Variants in PNPT1 observed in about 807,000 individuals in gnomAD.
The protein encoded by PNPT1 is polyribonucleotide nucleotidyltransferase 1, mitochondrial.
PNPT1 carries 53 observed loss-of-function variants against 119.5 expected under a neutral mutation model. That is an observed-to-expected ratio of 0.44 (90% CI 0.36 to 0.56). The LOEUF (loss-of-function observed/expected upper bound fraction) is 0.56. PNPT1 is among the 20% of genes least tolerant of loss of function. PNPT1 has a pLI of 0.00. For synonymous variants in PNPT1, 357 were observed against 322.1 expected, an observed-to-expected ratio of 1.11 and a Z score of -1.16; for missense variants, 948 against 938.5, an observed-to-expected ratio of 1.01 and a Z score of -0.13.
At chr2:55,665,445 AAAG>A (rs1449505358) in intron 13 of PNPT1, among the ~76,000 whole-genome samples, 11 of 152,250 alleles carry the variant, frequency 7.2e-5, no homozygotes, top group African/African-American at 2.7e-4. Flanking sequence ...GGCAATAAAT[AAAG>A]AAGGAGACAT....
At chr2:55,649,627 A>G (rs1464428627) in intron 18 of PNPT1, among the ~76,000 whole-genome samples, 23 of 152,124 alleles carry the variant, frequency 1.5e-4, no homozygotes, top group Non-Finnish European at 1.5e-5. Context: ...TTCATCACTT[A>G]AGCTGGGAAA....
intron 13 of PNPT1, among the ~76,000 whole-genome samples, chr2:55,662,872 G>A (rs1021957924): frequency 6.9e-6 from 1 of 144,660 alleles, no homozygotes; most frequent in Non-Finnish European, 1.5e-5. Flanking sequence ...TGGATTAGCA[G>A]ACAAAAGATT....
At chr2:55,636,443 A>C in intron 27 of PNPT1, 51 bp from the exon 28 acceptor site, 1 of 1,560,806 alleles carries the variant, frequency 6.4e-7, no homozygotes, top group Non-Finnish European at 8.8e-7. Context: ...ATTGAGTGAC[A>C]TCTAAACTAA....
intron 13 of PNPT1, among the ~76,000 whole-genome samples, chr2:55,666,045 T>C (rs1696720557): frequency 6.6e-6 from 1 of 152,096 alleles, no homozygotes; most frequent in Non-Finnish European, 1.5e-5. Flanking sequence ...AATCACAATA[T>C]GCCATAAACT....
chr2:55,637,342 T>C (rs1008893391), intron 27 of PNPT1, among the ~76,000 whole-genome samples: 1 of 152,244 alleles, frequency 6.6e-6, no homozygotes, highest in African/African-American at 2.4e-5. Context: ...GTGACTACCA[T>C]TTTGGCCAAG....
At chr2:55,651,718 G>A (rs1219264377) in intron 18 of PNPT1, among the ~76,000 whole-genome samples, 3 of 145,096 alleles carry the variant, frequency 2.1e-5, no homozygotes, top group Non-Finnish European at 3.0e-5. Context: ...CTCCACTATT[G>A]TCCTGTGACC....
In PNPT1 at chr2:55,691,878, A is replaced by ATTTTTTTTT. The variant is rs1227966046; in HGVS notation, c.161+1776_161+1784dup. Among the ~76,000 whole-genome samples, 148 of 32,968 alleles carry ATTTTTTTTT rather than the reference A, an allele frequency of 4.5e-3. 4 individuals are homozygous for ATTTTTTTTT. The highest frequency in any genetic ancestry group is 7.1e-3 in the Non-Finnish European group (121 of 16,924). The allele number at this position is 32,968 out of a possible 152,430, so 21.6% of individuals were successfully genotyped here. A position where few individuals can be genotyped will look rare whatever the true frequency, so the allele number is the denominator to read the frequency against. ...TATATATATATATATATATATATAT[A>ATTTTTTTTT]TTTTTTTTTTTTTTTTTTTTTTTTG... On this transcript the variant is annotated intron_variant, in intron 1 of 27. Coordinates refer to ENST00000447944, the MANE Select transcript of PNPT1 (RefSeq NM_033109.5).
chr2:55,693,798 G>A lies in PNPT1; in HGVS notation c.26C>T (p.Ser9Leu), dbSNP rs542564002. Residue 9 changes from serine (S) to leucine (L), a missense_variant, in exon 1 of 28, where the codon TCG (serine) becomes TTG (leucine). Physicochemically the swap from Ser to Leu is moderately radical, Grantham distance 145. Transcript: ENST00000447944. MAACRYCCSCLRLRPLSDG... is the reference protein window; with the variant it reads MAACRYCCLCLRLRPLSDG... ...GCTCAGGGGCCGGAGCCGGAGGCAC[G>A]AGCAGCAGTACCTGCAGGCCGCCAT... The A allele has an allele frequency of 5.0e-6, 8 of 1,613,894 alleles. No individual in the cohort carries two copies. Among genetic ancestry groups the A allele is most frequent in the Middle Eastern group, 1.7e-4 (1 of 6,056 alleles).
chr2:55,655,077 T>C (rs753162541), intron 17 of PNPT1, 124 bp from the exon 18 acceptor site: 7 of 909,782 alleles, frequency 7.7e-6, no homozygotes, highest in Admixed American at 2.6e-5. Flanking sequence ...CTCTTCTTTT[T>C]AAAAGCAACT....
Position 55,672,952 on chromosome 2 carries a change from G to A in PNPT1, c.807C>T (p.Thr269=). The A allele has an allele frequency of 1.2e-6, 2 of 1,613,300 alleles. No individual in the cohort carries two copies. The highest frequency in any genetic ancestry group is 1.7e-6 in the Non-Finnish European group (2 of 1,179,728). The change falls in exon 9 of 28, where the codon ACC becomes ACT. Residue 269 remains threonine, a synonymous_variant. Coordinates refer to ENST00000447944, the MANE Select transcript of PNPT1 (RefSeq NM_033109.5). ...IQQLVKETGV[T]KRTPQKLFTP... is the part of the protein sequence containing the mutation. ...TAAATAACTTCTGAGGTGTCCTCTT[G>A]GTAACACCAGTTTCTTTTACCAACT...
chr2:55,652,633 GTATGAATGGTGCACCTATT>G (rs1463123634), intron 18 of PNPT1, among the ~76,000 whole-genome samples: 17 of 152,082 alleles, frequency 1.1e-4, no homozygotes, highest in Admixed American at 1.1e-3. Flanking sequence ...CCCTTAACCA[GTATGAATGGTGCACCTATT>G]ATTTAGTCTA....
Position 55,636,070 on chromosome 2 carries a change from C to G in PNPT1, c.*167G>C. On this transcript the variant is annotated 3_prime_UTR_variant, in exon 28 of 28. Transcript: ENST00000447944. Reference sequence around the variant, plus strand: ...AATACAATTAAACAAATATGGGTTACTCGAATTAAAAAAATGGCACATGTA... The same window carrying G: ...AATACAATTAAACAAATATGGGTTAGTCGAATTAAAAAAATGGCACATGTA... 2.6e-6 allele frequency: 1 copy of G among 391,750 alleles called. No homozygotes were observed. Among genetic ancestry groups the G allele is most frequent in the Non-Finnish European group, 4.4e-6 (1 of 229,576 alleles). 24.3% of individuals were successfully genotyped at this position (391,750 alleles called of 1,614,324 possible).
chr2:55,660,241 A>G, intron 14 of PNPT1, 48 bp from the exon 15 acceptor site: 2 of 1,511,200 alleles, frequency 1.3e-6, no homozygotes, highest in Admixed American at 4.2e-5. Context: ...GAAAAAACAT[A>G]TTTATTTCAA....
At chr2:55,678,714 C>T (rs984220272) in intron 8 of PNPT1, among the ~76,000 whole-genome samples, 1 of 152,148 alleles carries the variant, frequency 6.6e-6, no homozygotes, top group African/African-American at 2.4e-5. Context: ...CTCTGAATTT[C>T]TTTTACCTGA....
At chr2:55,667,696 A>G (rs1462631551) in intron 12 of PNPT1, among the ~76,000 whole-genome samples, 166 bp downstream of exon 12, 1 of 152,212 alleles carries the variant, frequency 6.6e-6, no homozygotes, top group East Asian at 1.9e-4. Flanking sequence ...AGATGGTCAC[A>G]TATCATGTAC....
In PNPT1 at chr2:55,656,405, A is replaced by T. The variant is rs201635770; in HGVS notation, c.1285-34T>A. ...AAAAAAAACACAAACACACATATAC[A>T]ATTGACATAGAAAGATGTCCAAGTT... On this transcript the variant is annotated intron_variant, in intron 15 of 27. Transcript: ENST00000447944. 7.8e-6 allele frequency: 12 copies of T among 1,529,992 alleles called. No homozygotes were observed. In the East Asian group the frequency reaches 2.7e-4, roughly 34 times the overall value. The allele number at this position is 1,529,992 out of a possible 1,614,324, so 94.8% of individuals were successfully genotyped here.
intron 25 of PNPT1, among the ~76,000 whole-genome samples, chr2:55,642,047 G>A (rs962823136): frequency 1.3e-5 from 2 of 151,844 alleles, no homozygotes; most frequent in African/African-American, 4.8e-5. Flanking sequence ...TCACCATGTT[G>A]GTCAGGCTGC....
chr2:55,679,604 A>G lies in PNPT1; in HGVS notation c.679+78T>C, dbSNP rs1354872901. On this transcript the variant is annotated intron_variant, in intron 8 of 27. Transcript: ENST00000447944. The stretch of plus-strand genomic sequence containing the variant: ...TTATGGCTACCGACAAAACATACAC[A>G]CAGAGTTTAAATTCAGTTTAAGAAG... The G allele has an allele frequency of 3.8e-6, 4 of 1,050,036 alleles. No homozygotes were observed. The African/African-American group carries it at 6.4e-5, about 17-fold the overall frequency. The allele number at this position is 1,050,036 out of a possible 1,614,324, so 65.0% of individuals were successfully genotyped here. A position where few individuals can be genotyped will look rare whatever the true frequency, so the allele number is the denominator to read the frequency against.
At chr2:55,647,257 T>C in intron 19 of PNPT1, 90 bp downstream of exon 19, 1 of 1,050,980 alleles carries the variant, frequency 9.5e-7, no homozygotes. Flanking sequence ...GTACATATAG[T>C]CTTCACCATT....
Sources: allele counts gnomAD v4.1 joint callset (sites outside exome capture counted in the v4.1 genomes callset), GRCh38; gene constraint gnomAD v4.1.1; transcripts MANE v1.5; gene names NCBI Gene and HGNC (gene_info 2026-07-23, HGNC 2026-07-21).